The following RAB31 variants were observed in gnomAD, a reference collection of about 807,000 sequenced individuals.
RAB31 encodes the protein RAB31, member RAS oncogene family.
RAB31 carries 21 observed loss-of-function variants against 25.6 expected under a neutral mutation model. The observed-to-expected ratio is 0.82, with a 90% CI of 0.58 to 1.18. RAB31 has a LOEUF of 1.18. Among genes scored for constraint, RAB31 ranks in the 50% most tolerant of loss-of-function variants. RAB31 has a pLI of 0.00. For synonymous variants in RAB31, 87 were observed against 84.0 expected, an observed-to-expected ratio of 1.04 and a Z score of -0.20; for missense variants, 196 against 250.1, an observed-to-expected ratio of 0.78 and a Z score of 1.46.
rs368770375 is a variant in RAB31 at position 9,845,670 on chromosome 18, G to A, written c.469G>A (p.Glu157Lys). The change falls in exon 6 of 7, where the codon GAA (glutamate) becomes AAA (lysine). Residue 157 changes from glutamate to lysine, a missense_variant. Transcript: ENST00000578921. Reference protein sequence around the residue: ...ETSAKNAINIEELFQGISRQI... With the variant: ...ETSAKNAINIKELFQGISRQI... ...AAGTGCAAAAAATGCTATTAATATC[G>A]AAGAGCTCTTTCAAGGAATCAGTAA... 16 of 1,558,778 alleles carry A rather than the reference G, an allele frequency of 1.0e-5. No homozygotes were observed. Among genetic ancestry groups the A allele is most frequent in the Admixed American group, 5.9e-5 (3 of 51,070 alleles).
chr18:9,807,296 T>C (rs1333446433), intron 3 of RAB31, among the ~76,000 whole-genome samples: 4 of 152,188 alleles, frequency 2.6e-5, no homozygotes, highest in Non-Finnish European at 5.9e-5. Flanking sequence ...TGGGCTCTTG[T>C]CTTGAACATG....
chr18:9,861,675 T>C lies in RAB31; in HGVS notation c.*2350T>C, dbSNP rs1201337000. The C allele has an allele frequency of 5.3e-5, 8 of 152,202 alleles. No homozygotes were observed. The allele number at this position is 152,202 out of a possible 1,614,324, so 9.4% of individuals were successfully genotyped here. ...TATGTAAAGGCCTGGAAATTACTGT[T>C]GCTAAAAAAAGTCATGTAGTTTCAT... On this transcript the variant is annotated 3_prime_UTR_variant, in exon 7 of 7. Transcript: ENST00000578921.
intron 5 of RAB31, among the ~76,000 whole-genome samples, chr18:9,816,659 A>G (rs1351943437): frequency 1.1e-4 from 17 of 152,234 alleles, no homozygotes; most frequent in Admixed American, 1.1e-3. Context: ...TATATCTTGA[A>G]GGAGGTTGTG....
chr18:9,725,331 A>G (rs1042705214), intron 1 of RAB31, among the ~76,000 whole-genome samples: 3 of 152,164 alleles, frequency 2.0e-5, no homozygotes, highest in African/African-American at 7.2e-5. Context: ...ATCATCCTTA[A>G]TCTACCCTAC....
intron 3 of RAB31, among the ~76,000 whole-genome samples, chr18:9,812,992 C>T (rs1190210969): frequency 6.7e-6 from 1 of 150,016 alleles, no homozygotes; most frequent in East Asian, 2.0e-4. Flanking sequence ...CCACTGCACT[C>T]GGCCCCTCCA....
intron 6 of RAB31, among the ~76,000 whole-genome samples, chr18:9,846,999 T>C (rs2068765440): frequency 6.6e-6 from 1 of 152,226 alleles, no homozygotes; most frequent in South Asian, 2.1e-4. Flanking sequence ...ACAGAATGGT[T>C]TCAGGCTCCT....
At chr18:9,799,770 A>G (rs938535564) in intron 3 of RAB31, among the ~76,000 whole-genome samples, 1 of 152,194 alleles carries the variant, frequency 6.6e-6, no homozygotes, top group Non-Finnish European at 1.5e-5. Flanking sequence ...CATAGGGTGC[A>G]TCTATTAACA....
intron 3 of RAB31, among the ~76,000 whole-genome samples, chr18:9,793,268 G>A (rs1438463849): frequency 6.6e-6 from 1 of 151,874 alleles, no homozygotes; most frequent in African/African-American, 2.4e-5. Flanking sequence ...GTAGAGCCTG[G>A]GGTCTCGCTA....
intron 2 of RAB31, among the ~76,000 whole-genome samples, chr18:9,785,709 CT>C (rs1405349197): frequency 3.3e-5 from 5 of 152,152 alleles, no homozygotes; most frequent in Admixed American, 6.5e-5. Context: ...ACACACAGGC[CT>C]TGCTGGGTTT....
At chr18:9,808,343 C>T (rs891161698) in intron 3 of RAB31, among the ~76,000 whole-genome samples, 6 of 152,130 alleles carry the variant, frequency 3.9e-5, no homozygotes, top group Admixed American at 2.0e-4. Flanking sequence ...TCTGTACTGC[C>T]GTTATTCAGA....
chr18:9,753,893 G>A (rs1336320817), intron 1 of RAB31, among the ~76,000 whole-genome samples: 6 of 152,222 alleles, frequency 3.9e-5, no homozygotes, highest in Non-Finnish European at 5.9e-5. Context: ...GGTAGGTTAA[G>A]ATGAAGAAAA....
intron 3 of RAB31, among the ~76,000 whole-genome samples, chr18:9,804,446 A>G (rs1268004743): frequency 2.6e-5 from 4 of 152,166 alleles, no homozygotes; most frequent in Non-Finnish European, 4.4e-5. Flanking sequence ...CGTGGGGCCA[A>G]AACACAGAGC....
chr18:9,720,098 G>A (rs748029519), intron 1 of RAB31, among the ~76,000 whole-genome samples: 1 of 152,146 alleles, frequency 6.6e-6, no homozygotes, highest in African/African-American at 2.4e-5. Flanking sequence ...CAAGTAGTTG[G>A]AATTACACGC....
At chr18:9,715,503 A>ACTTG (rs1389155790) in intron 1 of RAB31, among the ~76,000 whole-genome samples, 4 of 145,214 alleles carry the variant, frequency 2.8e-5, no homozygotes, top group African/African-American at 1.0e-4. Flanking sequence ...ACATTTTGTC[A>ACTTG]CTTGTCCTTT....
At chr18:9,774,668 C>T (rs1451606052) in intron 1 of RAB31, among the ~76,000 whole-genome samples, 2 of 152,162 alleles carry the variant, frequency 1.3e-5, no homozygotes, top group Non-Finnish European at 2.9e-5. Flanking sequence ...TAAATGCGTG[C>T]ATTGAATTTC....
intron 3 of RAB31, among the ~76,000 whole-genome samples, chr18:9,811,480 G>T (rs1223798313): frequency 6.6e-6 from 1 of 152,074 alleles, no homozygotes; most frequent in Non-Finnish European, 1.5e-5. Context: ...AATAAGTTAG[G>T]GTTTTGTCGC....
intron 6 of RAB31, among the ~76,000 whole-genome samples, chr18:9,857,443 C>A (rs1261782864): frequency 6.6e-6 from 1 of 151,860 alleles, no homozygotes; most frequent in African/African-American, 2.4e-5. Context: ...AGTGTGTGTT[C>A]AGATTCTCCT....
chr18:9,838,927 A>G (rs530798305), intron 5 of RAB31, among the ~76,000 whole-genome samples: 171 of 152,262 alleles, frequency 1.1e-3, no homozygotes, highest in African/African-American at 3.8e-3. Context: ...CTAAGTCCAT[A>G]GATTCCTCCA....
At chr18:9,789,685 T>C (rs1403640624) in intron 2 of RAB31, among the ~76,000 whole-genome samples, 1 of 152,218 alleles carries the variant, frequency 6.6e-6, no homozygotes, top group Non-Finnish European at 1.5e-5. Context: ...ATTTTTTTTA[T>C]GAAATACATA....
Sources: gnomAD v4.1 joint callset for allele counts (sites outside exome capture counted in the v4.1 genomes callset) on GRCh38, gnomAD v4.1.1 for gene constraint, MANE v1.5 for transcripts, NCBI Gene and HGNC (gene_info 2026-07-23, HGNC 2026-07-21) for gene names.